Variants in BBS12 observed in about 807,000 individuals in gnomAD.
The protein encoded by BBS12 is Bardet-Biedl syndrome 12, also known as chaperonin-containing T-complex member BBS12.
A neutral mutation model predicts 5.6 loss-of-function variants in BBS12; 5 were observed. That is an observed-to-expected ratio of 0.89 (90% CI 0.46 to 1.86). BBS12 has a LOEUF of 1.86. Ranked by LOEUF, BBS12 falls within the 40% of genes most tolerant of loss-of-function variation. The pLI is 0.01. For missense variants in BBS12, 748 were observed against 830.4 expected (o/e 0.90, Z 1.22); for synonymous variants, 308 against 306.8 (o/e 1.00, Z -0.04).
At chr4:122,722,194 TC>T in the BBS12 span, among the ~76,000 whole-genome samples, 5 of 152,210 alleles carry the variant, frequency 3.3e-5, no homozygotes, top group Non-Finnish European at 7.3e-5. Context: ...ATGTCCCTCT[TC>T]TCTGGAGAGC....
At chr4:122,707,977 C>T in the BBS12 span, among the ~76,000 whole-genome samples, 3,253 of 147,360 alleles carry the variant, frequency 0.022, 123 homozygotes, top group African/African-American at 0.079. Context: ...TCCTTCCTTT[C>T]TTTCTTTCTT....
intron 1 of BBS12, among the ~76,000 whole-genome samples, chr4:122,741,351 C>CA (rs914594105): frequency 7.2e-5 from 11 of 152,032 alleles, no homozygotes; most frequent in African/African-American, 1.5e-4. Flanking sequence ...CACACCCGGC[C>CA]AATTTTTGTA....
At position 122,742,748 on chromosome 4, in the gene BBS12, G is replaced by T; in HGVS notation, c.856G>T (p.Val286Leu). 6.2e-7 allele frequency: 1 copy of T among 1,614,234 alleles called. No homozygotes were observed. Among genetic ancestry groups the T allele is most frequent in the South Asian group, 1.1e-5 (1 of 91,086 alleles). Residue 286 changes from valine (V) to leucine (L), a missense_variant, in exon 2 of 2, where the codon GTA becomes TTA. By Grantham distance (32) the Val-to-Leu change is conservative. Transcript: ENST00000314218. ...TGGAGATCACAGCAGCATGAAGTTAGTAGAAGAAGCAGTACAGCTGCAATA... is the reference window on the plus strand; with the variant it reads ...TGGAGATCACAGCAGCATGAAGTTATTAGAAGAAGCAGTACAGCTGCAATA... Reference protein sequence around the residue: ...SHGDHSSMKLVEEAVQLQYQN... With the variant: ...SHGDHSSMKLLEEAVQLQYQN...
Position 122,738,188 on chromosome 4 carries a change from CA to C in BBS12, c.-10-3688del, listed in dbSNP as rs764594610. Among the ~76,000 whole-genome samples, 4 of 151,854 alleles carry C rather than the reference CA, an allele frequency of 2.6e-5. No individual in the cohort carries two copies. The East Asian group carries it at 5.8e-4, about 22-fold the overall frequency. On this transcript the variant is annotated intron_variant, in intron 1 of 1. Coordinates refer to ENST00000314218, the MANE Select transcript of BBS12 (RefSeq NM_152618.3). The stretch of plus-strand genomic sequence containing the variant: ...TAAATTAGATTTCATCAAACAACAA[CA>C]AAAAAATAGGTAAATTAGATTTCTA...
At chr4:122,740,729 A>G (rs1800857322) in intron 1 of BBS12, among the ~76,000 whole-genome samples, 1 of 152,230 alleles carries the variant, frequency 6.6e-6, no homozygotes, top group South Asian at 2.1e-4. Context: ...CCAGTCTGGT[A>G]CTTGTCTAGT....
chr4:122,724,693 A>G, the BBS12 span, among the ~76,000 whole-genome samples: 1 of 152,232 alleles, frequency 6.6e-6, no homozygotes. Flanking sequence ...AGTTTCTACA[A>G]GGCAATCACA....
chr4:122,708,345 C>T, the BBS12 span, among the ~76,000 whole-genome samples: 1 of 152,122 alleles, frequency 6.6e-6, no homozygotes, highest in South Asian at 2.1e-4. Flanking sequence ...CATGAGCTCT[C>T]CTATGAGAGA....
the BBS12 span, among the ~76,000 whole-genome samples, chr4:122,717,539 T>G: frequency 2.0e-5 from 3 of 152,218 alleles, no homozygotes; most frequent in Admixed American, 1.3e-4. Flanking sequence ...TTTTGTTTCT[T>G]TTTTCTTGGA....
chr4:122,736,099 T>A (rs1009946923), intron 1 of BBS12, among the ~76,000 whole-genome samples: 6 of 152,034 alleles, frequency 3.9e-5, no homozygotes, highest in Non-Finnish European at 7.4e-5. Context: ...CAGAACAAAG[T>A]GGCCAAGGGA....
chr4:122,721,788 T>C, the BBS12 span, among the ~76,000 whole-genome samples: 2 of 152,178 alleles, frequency 1.3e-5, no homozygotes, highest in East Asian at 3.8e-4. Context: ...TTTTCTAACC[T>C]ATCCTCAGAA....
At chr4:122,736,263 G>A (rs1330897450) in intron 1 of BBS12, among the ~76,000 whole-genome samples, 1 of 152,042 alleles carries the variant, frequency 6.6e-6, no homozygotes, top group African/African-American at 2.4e-5. Context: ...TTTTAAAAGG[G>A]ACTCCTGTGT....
At chr4:122,718,384 A>G in the BBS12 span, among the ~76,000 whole-genome samples, 1 of 152,138 alleles carries the variant, frequency 6.6e-6, no homozygotes, top group Non-Finnish European at 1.5e-5. Context: ...TAATATTAAC[A>G]TTTCTAGTTC....
chr4:122,737,049 C>A (rs1800792458), intron 1 of BBS12, among the ~76,000 whole-genome samples: 1 of 152,110 alleles, frequency 6.6e-6, no homozygotes, highest in South Asian at 2.1e-4. Context: ...ATCTAGGAAA[C>A]TTTTTCACAT....
chr4:122,725,148 G>C, the BBS12 span, among the ~76,000 whole-genome samples: 1 of 152,020 alleles, frequency 6.6e-6, no homozygotes, highest in Non-Finnish European at 1.5e-5. Context: ...AAAATGTAGA[G>C]GCTTGGGTAG....
Position 122,742,854 on chromosome 4 carries a change from C to A in BBS12, c.962C>A (p.Pro321Gln). Residue 321 changes from proline to glutamine, a missense_variant, in exon 2 of 2, where the codon CCA becomes CAA. By Grantham distance (76) the Pro-to-Gln change is moderately conservative. Transcript: ENST00000314218. ...DISRIFTCCL[P>Q]GLPETSSCVC... ...TCAAGAATTTTCACTTGCTGTCTAC[C>A]AGGCTTACCTGAAACTTCTTCTTGT... 1.1e-5 allele frequency: 18 copies of A among 1,614,168 alleles called. No individual in the cohort carries two copies. The highest frequency in any genetic ancestry group is 1.5e-5 in the Non-Finnish European group (18 of 1,180,026).
rs115230974 is a variant in BBS12, at chr4:122,732,982, A to G, written c.-11+98A>G. The G allele has an allele frequency of 5.3e-3, 801 of 152,476 alleles. 14 individuals carry two copies. The highest frequency in any genetic ancestry group is 0.018 in the African/African-American group (768 of 41,574). 9.4% of individuals were successfully genotyped at this position (152,476 alleles called of 1,614,324 possible). A position where few individuals can be genotyped will look rare whatever the true frequency, so the allele number is the denominator to read the frequency against. ...TTTTTCTGTCCTCTTCGGGCCAGGGAAAGAATGAGAATCTAGGGCCTGGAG... is the reference window on the plus strand; with the variant it reads ...TTTTTCTGTCCTCTTCGGGCCAGGGGAAGAATGAGAATCTAGGGCCTGGAG... On this transcript the variant is annotated intron_variant, in intron 1 of 1. Coordinates refer to ENST00000314218, the MANE Select transcript of BBS12 (RefSeq NM_152618.3).
At chr4:122,739,138 A>G (rs1800828113) in intron 1 of BBS12, among the ~76,000 whole-genome samples, 2 of 152,204 alleles carry the variant, frequency 1.3e-5, no homozygotes, top group Non-Finnish European at 2.9e-5. Flanking sequence ...TCTTCCCTTG[A>G]TCCTTCAGAA....
chr4:122,728,931 G>A (rs940506821), upstream of BBS12: 1 of 152,250 alleles, frequency 6.6e-6, no homozygotes, highest in Admixed American at 6.5e-5. Flanking sequence ...AGAAGTCTGA[G>A]CACTTCTGTC....
At chr4:122,702,342 T>G in the BBS12 span, among the ~76,000 whole-genome samples, 1 of 152,188 alleles carries the variant, frequency 6.6e-6, no homozygotes, top group Non-Finnish European at 1.5e-5. Flanking sequence ...AGTGGACATG[T>G]TGCTTAACCC....
Sources: allele counts gnomAD v4.1 joint callset (sites outside exome capture counted in the v4.1 genomes callset), GRCh38; gene constraint gnomAD v4.1.1; transcripts MANE v1.5; gene names NCBI Gene and HGNC (gene_info 2026-07-23, HGNC 2026-07-21).